Variants in EYS observed in about 807,000 individuals in gnomAD.
EYS encodes protein eyes shut homolog.
A neutral mutation model predicts 282.1 loss-of-function variants in EYS; 250 were observed. The ratio of observed to expected loss-of-function variants is 0.89; its 90% CI spans 0.80 to 0.98. The LOEUF is 0.98. Among genes scored for constraint, EYS ranks in the 50% least tolerant of loss-of-function variants. The pLI, the probability that EYS is intolerant of heterozygous loss-of-function variation, is 0.00. For synonymous variants in EYS, 1,355 were observed against 1,282.9 expected (o/e 1.06, Z -1.20); for missense variants, 4,016 against 3,709.0 (o/e 1.08, Z -2.15).
intron 40 of EYS, among the ~76,000 whole-genome samples, chr6:63,770,701 G>A (rs1256913279): frequency 6.6e-6 from 1 of 152,028 alleles, no homozygotes; most frequent in African/African-American, 2.4e-5. Context: ...AACAAGTTGG[G>A]GGAATAAGGT....
chr6:65,642,190 T>C (rs547125468), intron 1 of EYS, among the ~76,000 whole-genome samples: 1 of 152,298 alleles, frequency 6.6e-6, no homozygotes, highest in Admixed American at 6.5e-5. Flanking sequence ...ATGATTTCAA[T>C]AGGATGTACT....
intron 18 of EYS, among the ~76,000 whole-genome samples, chr6:64,896,861 C>G (rs116573850): frequency 0.019 from 2,884 of 152,040 alleles, 93 homozygotes; most frequent in African/African-American, 0.065. Flanking sequence ...GAGGGGGGGG[C>G]CACCACAGTG....
chr6:63,925,516 G>A (rs989529525), intron 35 of EYS, among the ~76,000 whole-genome samples: 28 of 152,280 alleles, frequency 1.8e-4, no homozygotes, highest in Middle Eastern at 3.4e-3. Context: ...CTTTGGCATT[G>A]TGCTTTTTCT....
intron 12 of EYS, among the ~76,000 whole-genome samples, chr6:65,146,245 TCC>T (rs1425415069): frequency 6.9e-6 from 1 of 144,614 alleles, no homozygotes; most frequent in Non-Finnish European, 1.6e-5. Flanking sequence ...AAAACATTTT[TCC>T]CCCAAGGCCA....
chr6:65,378,813 T>C (rs538522057), intron 8 of EYS, among the ~76,000 whole-genome samples: 5 of 152,094 alleles, frequency 3.3e-5, no homozygotes, highest in African/African-American at 1.2e-4. Context: ...ATGTTCTCAC[T>C]CATAAGTGGG....
At chr6:63,924,561 T>C (rs538861388) in intron 35 of EYS, among the ~76,000 whole-genome samples, 7 of 152,190 alleles carry the variant, frequency 4.6e-5, no homozygotes, top group African/African-American at 7.2e-5. Flanking sequence ...GCAACTGATA[T>C]TGAGAGAACT....
intron 29 of EYS, among the ~76,000 whole-genome samples, chr6:64,383,334 T>C (rs745913694): frequency 2.0e-5 from 3 of 151,928 alleles, no homozygotes; most frequent in Non-Finnish European, 2.9e-5. Flanking sequence ...ATAAGGTGGG[T>C]CCTCATGTAG....
intron 13 of EYS, among the ~76,000 whole-genome samples, chr6:65,003,725 A>G (rs1771542870): frequency 6.8e-6 from 1 of 147,312 alleles, no homozygotes; most frequent in Non-Finnish European, 1.5e-5. Flanking sequence ...GCACTTAAGG[A>G]AAATAGAAAA....
At chr6:65,540,220 A>G (rs185765781) in intron 2 of EYS, among the ~76,000 whole-genome samples, 2 of 152,204 alleles carry the variant, frequency 1.3e-5, no homozygotes, top group South Asian at 2.1e-4. Flanking sequence ...GATACCAAGC[A>G]CATTGTATTC....
intron 2 of EYS, among the ~76,000 whole-genome samples, chr6:65,578,998 T>C (rs1764777811): frequency 6.6e-6 from 1 of 152,134 alleles, no homozygotes; most frequent in African/African-American, 2.4e-5. Context: ...CAAAGCTGTG[T>C]AAGAATAAAT....
Position 65,248,100 on chromosome 6 carries a change from C to T in EYS, c.2023+47763G>A, listed in dbSNP as rs562855558. On this transcript the variant is annotated intron_variant, in intron 12 of 42. Coordinates refer to ENST00000503581, the MANE Select transcript of EYS (RefSeq NM_001142800.2). ...AGATTGTTGTTGGTTTTTTTTCCTC[C>T]TCAGCTGGTTTTGGCTGCTCAATTT... Among the ~76,000 whole-genome samples the T allele has an allele frequency of 3.0e-4, 46 of 151,818 alleles. 1 individual carries two copies. Among genetic ancestry groups the T allele is most frequent in the African/African-American group, 1.1e-3 (44 of 41,448 alleles).
At chr6:64,819,537 G>T (rs1180274207) in intron 21 of EYS, among the ~76,000 whole-genome samples, 2 of 151,950 alleles carry the variant, frequency 1.3e-5, no homozygotes, top group East Asian at 1.9e-4. Context: ...TGGAAAAAAT[G>T]ATTATACTTA....
At chr6:63,892,528 T>G (rs1464827789) in intron 35 of EYS, among the ~76,000 whole-genome samples, 1 of 152,226 alleles carries the variant, frequency 6.6e-6, no homozygotes, top group Non-Finnish European at 1.5e-5. Flanking sequence ...GCTAGTCATA[T>G]GCAGAAAACT....
intron 2 of EYS, among the ~76,000 whole-genome samples, chr6:65,514,263 C>T (rs1449997245): frequency 6.6e-6 from 1 of 151,972 alleles, no homozygotes; most frequent in African/African-American, 2.4e-5. Flanking sequence ...AGGAGAACTA[C>T]AAACCACTGC....
rs73765738 is a variant in EYS at position 65,050,687 on chromosome 6, T to A, written c.2137+6927A>T. ...GACTGGAGCATTTAATTACAGCATC[T>A]GTAGATCCCCATTGTAGCTTGACAC... On this transcript the variant is annotated intron_variant, in intron 13 of 42. Transcript: ENST00000503581. Among the ~76,000 whole-genome samples, 983 of 151,706 alleles carry A rather than the reference T, an allele frequency of 6.5e-3. 15 individuals are homozygous for A. Among genetic ancestry groups the A allele is most frequent in the African/African-American group, 0.021 (887 of 41,480 alleles).
chr6:65,321,506 A>C (rs1769475644), intron 11 of EYS, among the ~76,000 whole-genome samples: 1 of 152,140 alleles, frequency 6.6e-6, no homozygotes, highest in Admixed American at 6.5e-5. Flanking sequence ...AAATGGAAAA[A>C]GACTTAATGA....
At chr6:65,568,693 A>C (rs978912879) in intron 2 of EYS, among the ~76,000 whole-genome samples, 12 of 152,190 alleles carry the variant, frequency 7.9e-5, no homozygotes, top group African/African-American at 2.9e-4. Flanking sequence ...AAAGTGGCTC[A>C]CTTATTTGAT....
At chr6:64,236,719 C>CTT (rs35525435) in intron 30 of EYS, among the ~76,000 whole-genome samples, 219 of 147,948 alleles carry the variant, frequency 1.5e-3, no homozygotes, top group Non-Finnish European at 2.6e-3. Context: ...CTTTTTCTTC[C>CTT]TTTTTTTTCA....
chr6:64,858,590 A>T (rs1766141442), intron 19 of EYS, among the ~76,000 whole-genome samples: 1 of 152,112 alleles, frequency 6.6e-6, no homozygotes, highest in African/African-American at 2.4e-5. Flanking sequence ...GGTATTTTGT[A>T]GTTCCATCCA....
Sources: gnomAD v4.1 joint callset for allele counts (sites outside exome capture counted in the v4.1 genomes callset) on GRCh38, gnomAD v4.1.1 for gene constraint, MANE v1.5 for transcripts, NCBI Gene and HGNC (gene_info 2026-07-23, HGNC 2026-07-21) for gene names.